Variants in KCNMB1 observed in about 807,000 individuals in gnomAD.
KCNMB1 encodes the protein calcium-activated potassium channel subunit beta-1.
In KCNMB1, 22 loss-of-function variants were observed where a neutral mutation model predicts 21.7. The ratio of observed to expected loss-of-function variants is 1.01; its 90% CI spans 0.72 to 1.45. KCNMB1 has a LOEUF of 1.45. KCNMB1 is among the 40% of genes most tolerant of loss of function. The pLI is 0.00. For synonymous variants in KCNMB1, 114 were observed against 107.6 expected (o/e 1.06, Z -0.37); for missense variants, 243 against 243.4 (o/e 1.00, Z 0.01).
chr5:170,385,420 TC>T lies in KCNMB1; in HGVS notation c.27del (p.Lys10SerfsTer12), dbSNP rs1306315857. ...CAAAGGGCTCGTGTCTCTCCCCGCT[TC>T]TGGGCCATCACCAGCTTCTTCACCA... MVKKLVMA[Q>X]KRGETRALCL... On this transcript the variant is annotated frameshift_variant, in exon 2 of 4. Coordinates refer to ENST00000274629, the MANE Select transcript of KCNMB1 (RefSeq NM_004137.4). LOFTEE classifies it high-confidence loss of function. 6.2e-7 allele frequency: 1 copy of T among 1,614,182 alleles called. No individual in the cohort carries two copies. The highest frequency in any genetic ancestry group is 1.7e-5 in the Admixed American group (1 of 60,022).
At chr5:170,380,292 C>A (rs1764187463) in intron 3 of KCNMB1, among the ~76,000 whole-genome samples, 1 of 152,216 alleles carries the variant, frequency 6.6e-6, no homozygotes, top group African/African-American at 2.4e-5. Flanking sequence ...ACAGGGCCCC[C>A]ATAGCCCAGG....
At chr5:170,379,157 C>G (rs1350687670) in intron 3 of KCNMB1, among the ~76,000 whole-genome samples, 184 bp from the exon 4 acceptor site, 1 of 152,186 alleles carries the variant, frequency 6.6e-6, no homozygotes, top group Non-Finnish European at 1.5e-5. Flanking sequence ...TCATTTGTGT[C>G]TTGTGTGTGG....
chr5:170,379,098 G>A (rs1764133113), intron 3 of KCNMB1, 125 bp from the exon 4 acceptor site: 1 of 1,189,744 alleles, frequency 8.4e-7, no homozygotes, highest in Admixed American at 2.6e-5. Flanking sequence ...CGGGGCTTTG[G>A]TCTAAAGCTT....
At position 170,377,929 on chromosome 5, in the gene KCNMB1, T is replaced by G. The variant is rs879313256; in HGVS notation, c.*775A>C. 1 of 152,112 alleles carries G rather than the reference T, an allele frequency of 6.6e-6. No homozygotes were observed. Among genetic ancestry groups the G allele is most frequent in the Admixed American group, 6.5e-5 (1 of 15,270 alleles). 9.4% of individuals were successfully genotyped at this position (152,112 alleles called of 1,614,324 possible). On this transcript the variant is annotated 3_prime_UTR_variant, in exon 4 of 4. Transcript: ENST00000274629. ...GGCCTGTCTCTGACTGGAACCCAAC[T>G]CCGTCCCCAGACCCACTTCCATCTT...
chr5:170,385,273 G>A, intron 2 of KCNMB1, 41 bp downstream of exon 2: 1 of 1,610,294 alleles, frequency 6.2e-7, no homozygotes, highest in South Asian at 1.1e-5. Context: ...CAGACCCTTA[G>A]GAGAGGGTTG....
At chr5:170,387,956 C>T (rs11742820) in intron 1 of KCNMB1, among the ~76,000 whole-genome samples, 1 of 152,156 alleles carries the variant, frequency 6.6e-6, no homozygotes, top group Non-Finnish European at 1.5e-5. Context: ...AAAGCCATTT[C>T]TCTCCTGGGG....
Position 170,375,380 on chromosome 5 carries a change from A to C in KCNMB1, c.*3324T>G, listed in dbSNP as rs962729739. On this transcript the variant is annotated 3_prime_UTR_variant, in exon 4 of 4. Transcript: ENST00000274629. ...TCCACCAGGTAAGAAACTGGAGGCC[A>C]CAGGGATACCTCTGGGCTCCCTGGC... is the stretch of plus-strand genomic sequence containing the variant. 1 of 152,270 alleles carries C rather than the reference A, an allele frequency of 6.6e-6. No homozygotes were observed. Among genetic ancestry groups the C allele is most frequent in the East Asian group, 1.9e-4 (1 of 5,206 alleles). 9.4% of individuals were successfully genotyped at this position (152,270 alleles called of 1,614,324 possible).
In KCNMB1 at chr5:170,383,837, C is replaced by T. The variant is rs551181131; in HGVS notation, c.148G>A (p.Glu50Lys). The T allele has an allele frequency of 6.2e-4, 996 of 1,613,974 alleles. 21 individuals carry two copies. In the South Asian group the frequency reaches 0.01, roughly 17 times the overall value. The part of the protein sequence containing the change: ...PLYQKSVWTQ[E>K]SKCHLIETNI... Reference sequence around the variant, plus strand: ...GTCTCAATCAGGTGGCACTTGGATTCCTGGGTCCACACGCTGAGGAGACCA... The same window carrying T: ...GTCTCAATCAGGTGGCACTTGGATTTCTGGGTCCACACGCTGAGGAGACCA... The change falls in exon 3 of 4, where the codon GAA (glutamate) becomes AAA (lysine). Residue 50 changes from glutamate (E) to lysine (K), a missense_variant. Transcript: ENST00000274629.
In KCNMB1 at chr5:170,378,542, A is replaced by G. The variant is rs1764097716; in HGVS notation, c.*162T>C. The G allele has an allele frequency of 1.2e-6, 1 of 813,708 alleles. No homozygotes were observed. Among genetic ancestry groups the G allele is most frequent in the South Asian group, 1.7e-5 (1 of 57,538 alleles). 50.4% of individuals were successfully genotyped at this position (813,708 alleles called of 1,614,324 possible). ...CTTGAGCAGGCAATGACTTCACAAA[A>G]GGATTTCTCAAAGGTTAGTCCTGCA... On this transcript the variant is annotated 3_prime_UTR_variant, in exon 4 of 4. Transcript: ENST00000274629.
intron 2 of KCNMB1, 31 bp downstream of exon 2, chr5:170,385,283 G>T (rs757538109): frequency 1.4e-5 from 23 of 1,611,456 alleles, no homozygotes; most frequent in Non-Finnish European, 1.8e-5. Context: ...GGAGAGGGTT[G>T]GGGGGTGGGC....
At chr5:170,388,923 C>G (rs1219886686) in intron 1 of KCNMB1, among the ~76,000 whole-genome samples, 2 of 152,230 alleles carry the variant, frequency 1.3e-5, no homozygotes, top group Non-Finnish European at 2.9e-5. Context: ...GAGCAGAAGT[C>G]TGGACCCCTC....
At chr5:170,379,213 G>A (rs143794930) in intron 3 of KCNMB1, among the ~76,000 whole-genome samples, 6 of 152,234 alleles carry the variant, frequency 3.9e-5, no homozygotes, top group Non-Finnish European at 8.8e-5. Context: ...ACACCTGGGC[G>A]CAGGTCCTAC....
In KCNMB1 at chr5:170,378,638, G is replaced by A; in HGVS notation, c.*66C>T. ...GAGAAGGCATTGTGCTGCAAGTGGG[G>A]AGCAGCCCTGGGGGCCCAGCCAGTC... is the stretch of plus-strand genomic sequence containing the variant. On this transcript the variant is annotated 3_prime_UTR_variant, in exon 4 of 4. Coordinates refer to ENST00000274629, the MANE Select transcript of KCNMB1 (RefSeq NM_004137.4). 6.6e-7 allele frequency: 1 copy of A among 1,505,186 alleles called. No individual in the cohort carries two copies. Among genetic ancestry groups the A allele is most frequent in the Non-Finnish European group, 8.9e-7 (1 of 1,121,296 alleles). The allele number at this position is 1,505,186 out of a possible 1,614,324, so 93.2% of individuals were successfully genotyped here. A position where few individuals can be genotyped will look rare whatever the true frequency, so the allele number is the denominator to read the frequency against.
At chr5:170,385,063 A>T (rs1339424431) in intron 2 of KCNMB1, among the ~76,000 whole-genome samples, 1 of 152,132 alleles carries the variant, frequency 6.6e-6, no homozygotes, top group Non-Finnish European at 1.5e-5. Context: ...GAAGGGCATC[A>T]TGTGTCTGTT....
At chr5:170,389,157 C>T (rs932582389) in intron 1 of KCNMB1, 102 bp downstream of exon 1, 2 of 152,322 alleles carry the variant, frequency 1.3e-5, no homozygotes, top group African/African-American at 4.8e-5. Context: ...GTCCTCCTGC[C>T]TGCCTCCCTC....
In KCNMB1 at chr5:170,384,896, G is replaced by A. The variant is rs77234359; in HGVS notation, c.134+418C>T. On this transcript the variant is annotated intron_variant, in intron 2 of 3. Coordinates refer to ENST00000274629, the MANE Select transcript of KCNMB1 (RefSeq NM_004137.4). ...TGAGGCAAGGAGCTCCCCGTCTCTT[G>A]AGGTATTCATCAGGAGGCTGGATGC... Among the ~76,000 whole-genome samples the A allele has an allele frequency of 6.2e-3, 942 of 152,342 alleles. 12 individuals are homozygous for A. Among genetic ancestry groups the A allele is most frequent in the African/African-American group, 0.021 (856 of 41,578 alleles).
At chr5:170,385,508 C>G (rs1400287278) in intron 1 of KCNMB1, 37 bp from the exon 2 acceptor site, 16 of 1,592,496 alleles carry the variant, frequency 1.0e-5, no homozygotes, top group African/African-American at 1.3e-5. Flanking sequence ...GAGATCAGCC[C>G]AGTTCACAGG....
chr5:170,388,020 C>T lies in KCNMB1; in HGVS notation c.-25+1239G>A, dbSNP rs536272919. Among the ~76,000 whole-genome samples, 6 of 141,572 alleles carry T rather than the reference C, an allele frequency of 4.2e-5. No individual in the cohort carries two copies. In the South Asian group the frequency reaches 6.5e-4, roughly 15 times the overall value. 92.9% of individuals were successfully genotyped at this position (141,572 alleles called of 152,430 possible). A position where few individuals can be genotyped will look rare whatever the true frequency, so the allele number is the denominator to read the frequency against. ...TGTGGCTCCTTCCTGGCTAATCAGCCCCCCCCAGCGCCCAGGGCCATGGCC... is the reference window on the plus strand; with the variant it reads ...TGTGGCTCCTTCCTGGCTAATCAGCTCCCCCCAGCGCCCAGGGCCATGGCC... On this transcript the variant is annotated intron_variant, in intron 1 of 3. Transcript: ENST00000274629.
At chr5:170,385,853 C>T (rs1194625460) in intron 1 of KCNMB1, among the ~76,000 whole-genome samples, 3 of 152,038 alleles carry the variant, frequency 2.0e-5, no homozygotes, top group South Asian at 4.2e-4. Flanking sequence ...GGTGCGGTGG[C>T]TCATGCCTGA....
Sources: allele counts gnomAD v4.1 joint callset (sites outside exome capture counted in the v4.1 genomes callset), GRCh38; gene constraint gnomAD v4.1.1; transcripts MANE v1.5; gene names NCBI Gene and HGNC (gene_info 2026-07-23, HGNC 2026-07-21).